Variants in VPS41 observed in about 807,000 individuals in gnomAD.
VPS41 encodes the protein VPS41 subunit of HOPS complex.
A neutral mutation model predicts 130.9 loss-of-function variants in VPS41; 85 were observed. That is an observed-to-expected ratio of 0.65 (90% CI 0.55 to 0.78). The LOEUF is 0.78. Ranked by LOEUF, VPS41 falls within the 30% of genes least tolerant of loss-of-function variation. The pLI is 0.00. For missense variants in VPS41, 874 were observed against 1,018.7 expected, an observed-to-expected ratio of 0.86 and a Z score of 1.93; for synonymous variants, 335 against 332.9, an observed-to-expected ratio of 1.01 and a Z score of -0.07.
At chr7:38,789,272 C>G (rs1400720878) in intron 10 of VPS41, among the ~76,000 whole-genome samples, 2 of 152,060 alleles carry the variant, frequency 1.3e-5, no homozygotes, top group Admixed American at 6.5e-5. Context: ...CAAATAATCA[C>G]AGGATCACTG....
Position 38,796,789 on chromosome 7 carries a change from T to C in VPS41, c.526A>G (p.Ser176Gly), listed in dbSNP as rs1040150468. 2 of 1,613,888 alleles carry C rather than the reference T, an allele frequency of 1.2e-6. No homozygotes were observed. The highest frequency in any genetic ancestry group is 1.7e-6 in the Non-Finnish European group (2 of 1,179,898). ...VLHEGEGNIR[S>G]VKWRGHLIAW... ...ATCAGATGGCCTCTCCACTTCACACTCCTTATGTTCCCTTCCCCTTCATGC... is the reference window on the plus strand; with the variant it reads ...ATCAGATGGCCTCTCCACTTCACACCCCTTATGTTCCCTTCCCCTTCATGC... The change falls in exon 8 of 29, where the codon AGT becomes GGT. Residue 176 changes from serine (S) to glycine (G), a missense_variant. Ser to Gly is a moderately conservative substitution (Grantham distance 56). Coordinates refer to ENST00000310301, the MANE Select transcript of VPS41 (RefSeq NM_014396.4).
chr7:38,831,432 G>C (rs1019455057), intron 4 of VPS41: 4 of 305,108 alleles, frequency 1.3e-5, no homozygotes, highest in Non-Finnish European at 2.6e-5. Context: ...AAAGCATACA[G>C]ATCACAGAAC....
intron 6 of VPS41, among the ~76,000 whole-genome samples, chr7:38,818,461 G>C (rs1785105762): frequency 1.3e-5 from 2 of 152,272 alleles, no homozygotes; most frequent in South Asian, 4.2e-4. Flanking sequence ...ATTCTCATCT[G>C]CTTCCCACTC....
chr7:38,802,264 G>C (rs148364739), intron 7 of VPS41, among the ~76,000 whole-genome samples: 4 of 152,276 alleles, frequency 2.6e-5, no homozygotes, highest in African/African-American at 9.6e-5. Context: ...AAGGCTCTCT[G>C]GATTGCCACA....
chr7:38,734,449 T>C (rs1216579026), intron 25 of VPS41, among the ~76,000 whole-genome samples: 2 of 152,192 alleles, frequency 1.3e-5, no homozygotes, highest in Non-Finnish European at 2.9e-5. Flanking sequence ...ACCTGTTACA[T>C]ATTATATTTT....
At chr7:38,749,733 G>C (rs1025101827) in intron 22 of VPS41, among the ~76,000 whole-genome samples, 3 of 152,184 alleles carry the variant, frequency 2.0e-5, no homozygotes, top group African/African-American at 4.8e-5. Flanking sequence ...GCAAGCTTGG[G>C]ATGCGTTTAA....
intron 2 of VPS41, among the ~76,000 whole-genome samples, chr7:38,876,427 A>G (rs1013810821): frequency 3.9e-5 from 6 of 152,150 alleles, no homozygotes; most frequent in African/African-American, 1.4e-4. Context: ...GAGAAGAATA[A>G]ACACCAATAT....
rs542677970 is a variant in VPS41 at position 38,783,427 on chromosome 7, TG to T, written c.784+6373del. Among the ~76,000 whole-genome samples, 6 of 151,640 alleles carry T rather than the reference TG, an allele frequency of 4.0e-5. No individual in the cohort carries two copies. In the South Asian group the frequency reaches 1.3e-3, roughly 32 times the overall value. On this transcript the variant is annotated intron_variant, in intron 10 of 28. Transcript: ENST00000310301. The stretch of plus-strand genomic sequence containing the variant: ...GCAGGCGCCTGTAATCCCAGCTACT[TG>T]GGAGGCTGAGGCAGAGAATTGCTTG...
intron 7 of VPS41, among the ~76,000 whole-genome samples, chr7:38,808,889 A>C (rs1321971679): frequency 6.6e-6 from 1 of 152,322 alleles, no homozygotes; most frequent in African/African-American, 2.4e-5. Flanking sequence ...GATTATCTAG[A>C]TTCTAAAAAG....
intron 7 of VPS41, among the ~76,000 whole-genome samples, chr7:38,813,016 A>T (rs2116075209): frequency 6.6e-6 from 1 of 152,332 alleles, no homozygotes; most frequent in East Asian, 1.9e-4. Flanking sequence ...ATATGATTCA[A>T]CAATTCCATA....
chr7:38,740,612 A>T (rs1025003116), intron 25 of VPS41, among the ~76,000 whole-genome samples: 10 of 152,144 alleles, frequency 6.6e-5, no homozygotes, highest in African/African-American at 2.4e-4. Context: ...GGAACAGGTA[A>T]TCTACTTCTT....
At chr7:38,812,405 C>T (rs917194699) in intron 7 of VPS41, among the ~76,000 whole-genome samples, 3 of 152,036 alleles carry the variant, frequency 2.0e-5, no homozygotes, top group African/African-American at 7.2e-5. Context: ...ATATATTGTA[C>T]ACCTAATTTA....
At chr7:38,778,366 G>C (rs1458331167) in intron 10 of VPS41, among the ~76,000 whole-genome samples, 1 of 152,210 alleles carries the variant, frequency 6.6e-6, no homozygotes, top group Non-Finnish European at 1.5e-5. Context: ...TAACCAGGCT[G>C]CGGAAGGTTC....
At chr7:38,819,597 T>C (rs972865837) in intron 6 of VPS41, among the ~76,000 whole-genome samples, 6 of 152,144 alleles carry the variant, frequency 3.9e-5, no homozygotes, top group Admixed American at 2.6e-4. Context: ...AATCACCACA[T>C]AGAATGCCCT....
chr7:38,789,928 A>G (rs1162814908), intron 9 of VPS41, 61 bp from the exon 10 acceptor site: 2 of 1,547,042 alleles, frequency 1.3e-6, no homozygotes, highest in Non-Finnish European at 1.8e-6. Context: ...ATAACATTTT[A>G]TTCAGTATAT....
At chr7:38,749,760 T>C (rs1796055335) in intron 22 of VPS41, among the ~76,000 whole-genome samples, 1 of 152,238 alleles carries the variant, frequency 6.6e-6, no homozygotes, top group African/African-American at 2.4e-5. Context: ...AAATCCACTT[T>C]GTCATTCGCA....
chr7:38,889,197 G>C (rs936503880), intron 2 of VPS41, among the ~76,000 whole-genome samples: 4 of 151,948 alleles, frequency 2.6e-5, no homozygotes, highest in African/African-American at 2.4e-5. Flanking sequence ...CAGGGAAAGA[G>C]AGTGGGATTG....
chr7:38,800,023 T>G (rs969707213), intron 7 of VPS41, among the ~76,000 whole-genome samples: 1 of 152,000 alleles, frequency 6.6e-6, no homozygotes, highest in African/African-American at 2.4e-5. Flanking sequence ...CATCATGGAC[T>G]CAAAGCTTTT....
At chr7:38,794,989 G>C (rs1384056695) in intron 9 of VPS41, among the ~76,000 whole-genome samples, 1 of 152,054 alleles carries the variant, frequency 6.6e-6, no homozygotes, top group African/African-American at 2.4e-5. Flanking sequence ...TCTTATTATT[G>C]ATGATAAGTC....
Sources: allele counts gnomAD v4.1 joint callset (sites outside exome capture counted in the v4.1 genomes callset), GRCh38; gene constraint gnomAD v4.1.1; transcripts MANE v1.5; gene names NCBI Gene and HGNC (gene_info 2026-07-23, HGNC 2026-07-21).